Variants in ERMAP observed in about 807,000 individuals in gnomAD.
The protein encoded by ERMAP is erythroid membrane-associated protein.
A neutral mutation model predicts 49.5 loss-of-function variants in ERMAP; 34 were observed. The ratio of observed to expected loss-of-function variants is 0.69; its 90% CI spans 0.52 to 0.91. The LOEUF is 0.91. Ranked by LOEUF, ERMAP falls within the 40% of genes least tolerant of loss-of-function variation. ERMAP has a pLI of 0.00. For missense variants in ERMAP, 541 were observed against 582.6 expected (o/e 0.93, Z 0.74); for synonymous variants, 214 against 232.2 (o/e 0.92, Z 0.71).
Position 42,844,534 on chromosome 1 carries a change from C to T in ERMAP, c.*1302C>T, listed in dbSNP as rs1369378640. Reference sequence around the variant, plus strand: ...ACGTGATTATGGAGGCGGTTAAATCCCAAGATCTGCAGGATAAGTCAGCAA... The same window carrying T: ...ACGTGATTATGGAGGCGGTTAAATCTCAAGATCTGCAGGATAAGTCAGCAA... On this transcript the variant is annotated 3_prime_UTR_variant, in exon 12 of 12. Transcript: ENST00000372517. The surrounding 1 kb of genome is among the most constrained non-coding windows in gnomAD (Gnocchi z 4.0). 2.6e-5 allele frequency: 4 copies of T among 155,742 alleles called. No individual in the cohort carries two copies. 9.6% of individuals were successfully genotyped at this position (155,742 alleles called of 1,614,324 possible).
At chr1:42,831,337 C>A (rs994008301) in intron 4 of ERMAP, among the ~76,000 whole-genome samples, 4 of 152,180 alleles carry the variant, frequency 2.6e-5, no homozygotes, top group Non-Finnish European at 5.9e-5. Context: ...CTTTGGAAAA[C>A]ACTGTACAAT....
chr1:42,831,571 T>TC (rs796614554), intron 4 of ERMAP, among the ~76,000 whole-genome samples: 4 of 79,910 alleles, frequency 5.0e-5, no homozygotes, highest in Admixed American at 1.5e-4. Context: ...TTTTTTTTTT[T>TC]TCTCTTTTTT....
In ERMAP at chr1:42,843,885, G is replaced by A; in HGVS notation, c.*653G>A. Reference sequence around the variant, plus strand: ...TAATCTGCCTGTTGATGGTAACTAGGTACAGCGACTTTAAATACAGTTGCT... The same window carrying A: ...TAATCTGCCTGTTGATGGTAACTAGATACAGCGACTTTAAATACAGTTGCT... On this transcript the variant is annotated 3_prime_UTR_variant, in exon 12 of 12. Coordinates refer to ENST00000372517, the MANE Select transcript of ERMAP (RefSeq NM_001017922.2). The A allele has an allele frequency of 2.5e-6, 1 of 395,836 alleles. No individual in the cohort carries two copies. Among genetic ancestry groups the A allele is most frequent in the Non-Finnish European group, 4.4e-6 (1 of 224,832 alleles). The allele number at this position is 395,836 out of a possible 1,614,324, so 24.5% of individuals were successfully genotyped here.
intron 7 of ERMAP, 134 bp downstream of exon 7, chr1:42,837,324 A>G: frequency 2.0e-6 from 2 of 992,890 alleles, no homozygotes; most frequent in Non-Finnish European, 3.0e-6. Flanking sequence ...TCCTCCATTG[A>G]TATTACTGGA....
chr1:42,822,366 T>C (rs925784916), intron 1 of ERMAP, among the ~76,000 whole-genome samples: 18 of 152,100 alleles, frequency 1.2e-4, no homozygotes, highest in Non-Finnish European at 2.4e-4. Flanking sequence ...GTATTTTTAG[T>C]AGAGACAGGA....
intron 4 of ERMAP, among the ~76,000 whole-genome samples, chr1:42,832,198 T>TG (rs1455451713): frequency 3.0e-4 from 32 of 107,818 alleles, no homozygotes; most frequent in African/African-American, 9.2e-4. Flanking sequence ...TTTTTTTTTT[T>TG]TTTTTTTTTT....
intron 2 of ERMAP, 85 bp from the exon 3 acceptor site, chr1:42,830,359 C>T (rs927415783): frequency 1.6e-5 from 19 of 1,183,050 alleles, no homozygotes; most frequent in Admixed American, 1.6e-4. Flanking sequence ...CCAGCAATAC[C>T]GTCTCGGCCT....
Position 42,830,524 on chromosome 1 carries a change from C to T in ERMAP, c.76C>T (p.His26Tyr), listed in dbSNP as rs33953680. Residue 26 changes from histidine to tyrosine, a missense_variant, in exon 3 of 12, where the codon CAT becomes TAT. Transcript: ENST00000372517. ...IPLVFLRLSV[H>Y]VSGHAGDAGK... ...TCTCGTCTTCCTCCGGCTGTCTGTG[C>T]ATGTGTCAGGTAGGAGTTTCTGATC... 0.26 allele frequency: 419,719 copies of T among 1,612,082 alleles called. 58,849 individuals are homozygous for T. The highest frequency in any genetic ancestry group is 0.28 in the Non-Finnish European group (333,674 of 1,178,220).
intron 4 of ERMAP, among the ~76,000 whole-genome samples, chr1:42,831,351 G>C (rs1270928797): frequency 6.6e-6 from 1 of 152,132 alleles, no homozygotes; most frequent in Non-Finnish European, 1.5e-5. Flanking sequence ...GTACAATGCA[G>C]GTCCTGGTTA....
chr1:42,840,087 A>G, intron 9 of ERMAP, 34 bp downstream of exon 9: 1 of 1,614,168 alleles, frequency 6.2e-7, no homozygotes, highest in Non-Finnish European at 8.5e-7. Flanking sequence ...CTTCCGTACC[A>G]ACTTATCTCC....
intron 1 of ERMAP, among the ~76,000 whole-genome samples, chr1:42,825,134 A>G (rs1271699228): frequency 6.6e-6 from 1 of 152,356 alleles, no homozygotes. Context: ...ATGAACATAC[A>G]GCTAAGGATA....
chr1:42,840,147 C>G lies in ERMAP; in HGVS notation c.659-5C>G. 3 of 1,614,146 alleles carry G rather than the reference C, an allele frequency of 1.9e-6. No individual in the cohort carries two copies. The highest frequency in any genetic ancestry group is 2.5e-6 in the Non-Finnish European group (3 of 1,180,030). On this transcript the variant is annotated splice_polypyrimidine_tract_variant and splice_region_variant and intron_variant, in intron 9 of 11. Coordinates refer to ENST00000372517, the MANE Select transcript of ERMAP (RefSeq NM_001017922.2). ...AGCTCATTCCCCTTGTTTCTTCTTT[C>G]ATAGAGTTGAAAAGAGCTGCAGCAA...
intron 6 of ERMAP, among the ~76,000 whole-genome samples, chr1:42,836,110 G>A (rs987781423): frequency 1.3e-5 from 2 of 152,080 alleles, no homozygotes; most frequent in Non-Finnish European, 2.9e-5. Flanking sequence ...GGATGCAATA[G>A]TGAGTAAAAG....
At chr1:42,820,692 C>CT (rs986362733) in intron 1 of ERMAP, among the ~76,000 whole-genome samples, 1 of 152,046 alleles carries the variant, frequency 6.6e-6, no homozygotes, top group Non-Finnish European at 1.5e-5. Flanking sequence ...CCCGACTTTC[C>CT]TTTTTGGTAG....
In ERMAP at chr1:42,844,310, C is replaced by G. The variant is rs1296103967; in HGVS notation, c.*1078C>G. Reference sequence around the variant, plus strand: ...AAGCCTCGTCGCTTTCAAGTCACATCATATATGCGATCTGGCCTAACCATG... The same window carrying G: ...AAGCCTCGTCGCTTTCAAGTCACATGATATATGCGATCTGGCCTAACCATG... On this transcript the variant is annotated 3_prime_UTR_variant, in exon 12 of 12. Coordinates refer to ENST00000372517, the MANE Select transcript of ERMAP (RefSeq NM_001017922.2). The surrounding 1 kb of genome is among the most constrained non-coding windows in gnomAD (Gnocchi z 4.0). 1 of 393,468 alleles carries G rather than the reference C, an allele frequency of 2.5e-6. No individual in the cohort carries two copies. Among genetic ancestry groups the G allele is most frequent in the Non-Finnish European group, 4.5e-6 (1 of 223,392 alleles). The allele number at this position is 393,468 out of a possible 1,614,324, so 24.4% of individuals were successfully genotyped here. A position where few individuals can be genotyped will look rare whatever the true frequency, so the allele number is the denominator to read the frequency against.
At chr1:42,826,465 A>G (rs981700163) in intron 2 of ERMAP, among the ~76,000 whole-genome samples, 3 of 152,178 alleles carry the variant, frequency 2.0e-5, no homozygotes, top group Non-Finnish European at 4.4e-5. Context: ...GTAAGTTGAT[A>G]TGACTTTCTG....
Position 42,842,911 on chromosome 1 carries a change from CT to C in ERMAP, c.1108del (p.Ser370LeufsTer5). The C allele has an allele frequency of 6.2e-7, 1 of 1,614,198 alleles. No individual in the cohort carries two copies. The highest frequency in any genetic ancestry group is 1.1e-5 in the South Asian group (1 of 91,078). Reference sequence around the variant, plus strand: ...TCCTGGACTATGAAGCAGGAGTCATCTCTTTCTACAATGTGACCAACAAGTC... The same window carrying C: ...TCCTGGACTATGAAGCAGGAGTCATCCTTTCTACAATGTGACCAACAAGTC... Reference protein sequence around the residue: ...IFLDYEAGVISFYNVTNKSHI... With the variant: ...IFLDYEAGVIXFYNVTNKSHI... On this transcript the variant is annotated frameshift_variant, in exon 12 of 12. Coordinates refer to ENST00000372517, the MANE Select transcript of ERMAP (RefSeq NM_001017922.2). LOFTEE classifies it high-confidence loss of function.
chr1:42,830,783 C>A lies in ERMAP; in HGVS notation c.101C>A (p.Ala34Asp). Residue 34 changes from alanine to aspartate, a missense_variant, in exon 4 of 12, where the codon GCC (alanine) becomes GAC (aspartate). Physicochemically the swap from Ala to Asp is moderately radical, Grantham distance 126 (BLOSUM62 -2). Transcript: ENST00000372517. ...TTTTGTCCAGGCCACGCAGGGGATG[C>A]CGGCAAGTTCCACGTGGCCCTACTA... ...SVHVSGHAGD[A>D]GKFHVALLGG... 6.5e-7 allele frequency: 1 copy of A among 1,547,728 alleles called. No individual in the cohort carries two copies. The highest frequency in any genetic ancestry group is 1.2e-5 in the South Asian group (1 of 84,558).
rs201485804 is a variant in ERMAP, at chr1:42,835,784, G to A, written c.583+20G>A. 2.0e-4 allele frequency: 326 copies of A among 1,599,240 alleles called. No individual in the cohort carries two copies. Among genetic ancestry groups the A allele is most frequent in the Non-Finnish European group, 2.5e-4 (289 of 1,173,842 alleles). On this transcript the variant is annotated intron_variant, in intron 6 of 11. Coordinates refer to ENST00000372517, the MANE Select transcript of ERMAP (RefSeq NM_001017922.2). Reference sequence around the variant, plus strand: ...AGGTGGGTAAGTGTTCTTGGCTGGGGGGCAGGGGAGATGTTTCTTTTGTTG... The same window carrying A: ...AGGTGGGTAAGTGTTCTTGGCTGGGAGGCAGGGGAGATGTTTCTTTTGTTG...
Sources: allele counts gnomAD v4.1 joint callset (sites outside exome capture counted in the v4.1 genomes callset), GRCh38; gene constraint gnomAD v4.1.1; non-coding constraint Gnocchi (gnomAD v3.1); transcripts MANE v1.5; gene names NCBI Gene and HGNC (gene_info 2026-07-23, HGNC 2026-07-21).